The following PCDH15 variants were observed in gnomAD, a reference collection of about 807,000 sequenced individuals.
The protein encoded by PCDH15 is protocadherin related 15, also known as protocadherin-15.
In PCDH15, 129 loss-of-function variants were observed where a neutral mutation model predicts 178.5. The ratio of observed to expected loss-of-function variants is 0.72; its 90% CI spans 0.63 to 0.84. The LOEUF (loss-of-function observed/expected upper bound fraction) is 0.84, where lower values mean the gene tolerates loss of function less well. Among genes scored for constraint, PCDH15 ranks in the 40% least tolerant of loss-of-function variants. PCDH15 has a pLI of 0.00. For missense variants in PCDH15, 2,230 were observed against 2,099.9 expected (o/e 1.06, Z -1.21); for synonymous variants, 800 against 732.0 (o/e 1.09, Z -1.50).
intron 11 of PCDH15, among the ~76,000 whole-genome samples, chr10:54,193,908 G>A (rs528457378): frequency 4.3e-4 from 66 of 152,076 alleles, no homozygotes; most frequent in African/African-American, 1.5e-3. Flanking sequence ...CTGAAATAGG[G>A]ATAATTGCAT....
chr10:55,257,271 G>C (rs535027537), intron 1 of PCDH15, among the ~76,000 whole-genome samples: 1 of 152,192 alleles, frequency 6.6e-6, no homozygotes, highest in East Asian at 1.9e-4. Context: ...CACAAAGATG[G>C]GGAAAAAACA....
intron 26 of PCDH15, among the ~76,000 whole-genome samples, chr10:53,872,295 T>TTA (rs2079926117): frequency 6.6e-6 from 1 of 152,180 alleles, no homozygotes; most frequent in South Asian, 2.1e-4. Context: ...CAGTCACACT[T>TTA]TAGTCTTTTG....
intron 2 of PCDH15, chr10:54,600,003 G>T: frequency 7.4e-7 from 1 of 1,344,804 alleles, no homozygotes; most frequent in Non-Finnish European, 1.0e-6. Context: ...AATCACCAAA[G>T]GAAGAGGCAA....
At chr10:54,056,822 T>A (rs2093900284) in intron 18 of PCDH15, among the ~76,000 whole-genome samples, 1 of 152,120 alleles carries the variant, frequency 6.6e-6, no homozygotes, top group South Asian at 2.1e-4. Context: ...TATGAGCCTG[T>A]AAAATCAAAA....
intron 2 of PCDH15, among the ~76,000 whole-genome samples, chr10:55,328,090 T>C (rs1020662795): frequency 6.6e-6 from 1 of 151,980 alleles, no homozygotes; most frequent in African/African-American, 2.4e-5. Context: ...TTGTATGCTG[T>C]TAGTTGAACA....
intron 3 of PCDH15, among the ~76,000 whole-genome samples, chr10:54,843,271 C>G (rs1953450092): frequency 6.6e-6 from 1 of 151,878 alleles, no homozygotes; most frequent in African/African-American, 2.4e-5. Flanking sequence ...GCATCCTGCT[C>G]AAGGGAGAGG....
chr10:54,999,967 G>A (rs866184598), intron 2 of PCDH15, among the ~76,000 whole-genome samples: 36 of 152,260 alleles, frequency 2.4e-4, no homozygotes, highest in East Asian at 5.8e-4. Context: ...TAGAGATCAC[G>A]TGCTTCACAA....
At chr10:54,238,117 G>T (rs1268372558) in intron 8 of PCDH15, among the ~76,000 whole-genome samples, 1 of 152,014 alleles carries the variant, frequency 6.6e-6, no homozygotes, top group Non-Finnish European at 1.5e-5. Flanking sequence ...ACATATTTGG[G>T]CTGAGGGCTG....
At chr10:54,133,128 T>C in intron 14 of PCDH15, 121 bp from the exon 15 acceptor site, 2 of 1,194,886 alleles carry the variant, frequency 1.7e-6, no homozygotes, top group South Asian at 2.6e-5. Flanking sequence ...TTATGAAAAA[T>C]AATACAATCA....
chr10:53,900,440 T>C (rs566045381), intron 26 of PCDH15, among the ~76,000 whole-genome samples: 3 of 152,158 alleles, frequency 2.0e-5, no homozygotes, highest in East Asian at 1.9e-4. Flanking sequence ...ATACTTCATC[T>C]GAAGAAGTCC....
Position 53,888,702 on chromosome 10 carries a change from T to TATATATATATATATATATATATATA in PCDH15, c.3501+14540_3501+14541insTATATATATATATATATATATATAT, listed in dbSNP as rs1554845542. On this transcript the variant is annotated intron_variant, in intron 26 of 37. Coordinates refer to ENST00000644397, the MANE Select transcript of PCDH15 (RefSeq NM_001384140.1). ...ATATATATATATATATATATATATATATCTCCTGTGGAAATTGATAAGCTG... is the reference window on the plus strand; with the variant it reads ...ATATATATATATATATATATATATATATATATATATATATATATATATATAATCTCCTGTGGAAATTGATAAGCTG... Among the ~76,000 whole-genome samples the TATATATATATATATATATATATATA allele has an allele frequency of 8.7e-4, 40 of 46,200 alleles. 12 individuals carry two copies. Among genetic ancestry groups the TATATATATATATATATATATATATA allele is most frequent in the Non-Finnish European group, 1.4e-3 (31 of 22,332 alleles). The allele number at this position is 46,200 out of a possible 152,430, so 30.3% of individuals were successfully genotyped here. A position where few individuals can be genotyped will look rare whatever the true frequency, so the allele number is the denominator to read the frequency against.
In PCDH15 at chr10:55,234,445, C is replaced by T. The variant is rs189813586; in HGVS notation, c.-155-67794G>A. On this transcript the variant is annotated intron_variant, in intron 1 of 5. Coordinates refer to the PCDH15 transcript ENST00000458638. ...TCTTTGAGACAGGGTCTCACTCTCA[C>T]TCAGGCTGGAGTGAGTGGCACAATC... Among the ~76,000 whole-genome samples, 754 of 151,818 alleles carry T rather than the reference C, an allele frequency of 5.0e-3. 3 individuals carry two copies. The highest frequency in any genetic ancestry group is 0.027 in the Middle Eastern group (8 of 292).
chr10:53,853,181 AAAC>A (rs1385846270), intron 28 of PCDH15, among the ~76,000 whole-genome samples: 5 of 152,002 alleles, frequency 3.3e-5, no homozygotes. Context: ...ACAATTTCTT[AAAC>A]AACTAGTATT....
intron 1 of PCDH15, among the ~76,000 whole-genome samples, chr10:55,297,543 A>C (rs1843164246): frequency 6.6e-6 from 1 of 152,108 alleles, no homozygotes; most frequent in Admixed American, 6.6e-5. Flanking sequence ...TTTTTAGAAA[A>C]ATTTGGAAAT....
intron 18 of PCDH15, among the ~76,000 whole-genome samples, chr10:54,028,029 T>G (rs1165119342): frequency 6.6e-6 from 1 of 150,846 alleles, no homozygotes; most frequent in Non-Finnish European, 1.5e-5. Flanking sequence ...AGAAAATTTT[T>G]GCAACCTACT....
At chr10:54,796,322 C>CTATCT (rs1554796341) in intron 1 of PCDH15, among the ~76,000 whole-genome samples, 6 of 139,298 alleles carry the variant, frequency 4.3e-5, no homozygotes, top group Admixed American at 1.5e-4. Flanking sequence ...ATCTATCTAT[C>CTATCT]ATCATCATCT....
chr10:54,420,315 GAT>G (rs1955072478), intron 3 of PCDH15, among the ~76,000 whole-genome samples: 2 of 152,046 alleles, frequency 1.3e-5, no homozygotes, highest in Admixed American at 1.3e-4. Context: ...AAATGCCAAA[GAT>G]ATGTCATTTA....
intron 3 of PCDH15, among the ~76,000 whole-genome samples, chr10:54,465,910 AT>A (rs1407145541): frequency 1.3e-5 from 2 of 151,776 alleles, no homozygotes; most frequent in African/African-American, 4.8e-5. Flanking sequence ...ATTTATATAT[AT>A]TTTTTGTCAT....
chr10:55,077,196 C>T (rs1234481947), intron 2 of PCDH15, among the ~76,000 whole-genome samples: 8 of 151,740 alleles, frequency 5.3e-5, no homozygotes, highest in Non-Finnish European at 1.0e-4. Context: ...TTCTTGTAGG[C>T]AGCCTATAAT....
Sources: allele counts gnomAD v4.1 joint callset (sites outside exome capture counted in the v4.1 genomes callset), GRCh38; gene constraint gnomAD v4.1.1; transcripts MANE v1.5; gene names NCBI Gene and HGNC (gene_info 2026-07-23, HGNC 2026-07-21).